PTBP3: variants seen among roughly 807,000 people sequenced by gnomAD.
The protein encoded by PTBP3 is polypyrimidine tract binding protein 3, also known as polypyrimidine tract-binding protein 3.
In PTBP3, 20 loss-of-function variants were observed where a neutral mutation model predicts 58.7. That is an observed-to-expected ratio of 0.34 (90% CI 0.24 to 0.50). The LOEUF is 0.50. Ranked by LOEUF, PTBP3 falls within the 20% of genes least tolerant of loss-of-function variation. PTBP3 has a pLI of 0.98. For synonymous variants in PTBP3, 185 were observed against 219.8 expected, an observed-to-expected ratio of 0.84 and a Z score of 1.40; for missense variants, 509 against 637.2, an observed-to-expected ratio of 0.80 and a Z score of 2.17.
chr9:112,228,177 T>A (rs1381482942), intron 11 of PTBP3, among the ~76,000 whole-genome samples: 1 of 152,182 alleles, frequency 6.6e-6, no homozygotes, highest in African/African-American at 2.4e-5. Flanking sequence ...TATGTTCACG[T>A]AGACAAATGA....
At chr9:112,265,715 A>G (rs148921192) in intron 4 of PTBP3, among the ~76,000 whole-genome samples, 1 of 152,186 alleles carries the variant, frequency 6.6e-6, no homozygotes, top group Non-Finnish European at 1.5e-5. Context: ...GAGACTGTGC[A>G]TGAGTGTGTG....
intron 1 of PTBP3, among the ~76,000 whole-genome samples, chr9:112,331,122 CACACGA>C (rs1275295639): frequency 3.9e-4 from 59 of 150,860 alleles, no homozygotes; most frequent in African/African-American, 1.4e-3. Context: ...CACACACACA[CACACGA>C]GAGACAGTTG....
chr9:112,363,530 A>ACACT, the PTBP3 span, among the ~76,000 whole-genome samples: 1 of 122,706 alleles, frequency 8.1e-6, no homozygotes, highest in African/African-American at 3.5e-5. Flanking sequence ...ACACACACAC[A>ACACT]CACACACACA....
Position 112,332,878 on chromosome 9 carries a change from C to A in PTBP3, c.-52+592G>T, listed in dbSNP as rs184356270. On this transcript the variant is annotated intron_variant, in intron 1 of 13. Coordinates refer to ENST00000374257, the MANE Select transcript of PTBP3 (RefSeq NM_001163788.4). ...GTCCAGACCCCTGGTGTCGAGAAAG[C>A]GTTAACGTATCTCACAGCACAAGTC... 1.2e-5 allele frequency: 19 copies of A among 1,607,548 alleles called. 1 individual carries two copies. The African/African-American group carries it at 1.2e-4, about 10-fold the overall frequency.
chr9:112,369,065 C>T, the PTBP3 span, among the ~76,000 whole-genome samples: 18 of 152,206 alleles, frequency 1.2e-4, no homozygotes, highest in African/African-American at 4.3e-4. Flanking sequence ...GAACCTCCAC[C>T]TAGATTTCAC....
At chr9:112,253,666 C>A (rs1655009964) in intron 5 of PTBP3, among the ~76,000 whole-genome samples, 1 of 152,146 alleles carries the variant, frequency 6.6e-6, no homozygotes, top group Non-Finnish European at 1.5e-5. Context: ...TGGGAGGTGA[C>A]TGGATCATAG....
chr9:112,286,787 C>T (rs1461863241), intron 2 of PTBP3, among the ~76,000 whole-genome samples: 1 of 152,172 alleles, frequency 6.6e-6, no homozygotes. Flanking sequence ...AAAGTATTTC[C>T]TTTACCATTT....
intron 2 of PTBP3, among the ~76,000 whole-genome samples, chr9:112,280,810 T>C (rs1024639284): frequency 5.3e-5 from 8 of 150,944 alleles, no homozygotes; most frequent in African/African-American, 2.0e-4. Context: ...TAGTGATTTT[T>C]TTTTAGTTTA....
At chr9:112,269,236 C>A (rs1046501210) in intron 3 of PTBP3, among the ~76,000 whole-genome samples, 3 of 139,504 alleles carry the variant, frequency 2.2e-5, no homozygotes, top group Admixed American at 7.2e-5. Context: ...TAAAAGGCTA[C>A]AATACATAAA....
the PTBP3 span, among the ~76,000 whole-genome samples, chr9:112,348,953 A>G: frequency 2.6e-5 from 4 of 152,132 alleles, no homozygotes; most frequent in Non-Finnish European, 4.4e-5. Context: ...AATTCATTCA[A>G]TCATTTAAAA....
At chr9:112,376,168 T>C in the PTBP3 span, among the ~76,000 whole-genome samples, 5 of 144,758 alleles carry the variant, frequency 3.5e-5, 2 homozygotes, top group African/African-American at 1.3e-4. Context: ...TATATATATA[T>C]ATATATATAT....
At chr9:112,310,107 C>A (rs1036839650) in intron 1 of PTBP3, among the ~76,000 whole-genome samples, 1 of 152,182 alleles carries the variant, frequency 6.6e-6, no homozygotes, top group Admixed American at 6.5e-5. Flanking sequence ...AGAATAGTTA[C>A]CAAATTGTTC....
intron 10 of PTBP3, 89 bp downstream of exon 10, chr9:112,231,291 A>T (rs1298421231): frequency 4.7e-6 from 5 of 1,058,350 alleles, no homozygotes; most frequent in Non-Finnish European, 6.7e-6. Flanking sequence ...TACTTGGCAC[A>T]CAGAAGTAAT....
chr9:112,292,318 G>A (rs1051417687), intron 2 of PTBP3, among the ~76,000 whole-genome samples: 3 of 152,144 alleles, frequency 2.0e-5, no homozygotes, highest in African/African-American at 4.8e-5. Flanking sequence ...TGAAACCCCT[G>A]TGTACCACTG....
chr9:112,243,189 T>A (rs1390637658), intron 7 of PTBP3, among the ~76,000 whole-genome samples: 1 of 151,346 alleles, frequency 6.6e-6, no homozygotes, highest in Non-Finnish European at 1.5e-5. Context: ...CTTTTCCCAT[T>A]TCTATATTAA....
chr9:112,369,932 T>A, the PTBP3 span, among the ~76,000 whole-genome samples: 4 of 152,184 alleles, frequency 2.6e-5, no homozygotes, highest in African/African-American at 9.7e-5. Context: ...ATAAATCTCA[T>A]GAGATCTGAT....
chr9:112,236,435 G>A (rs1835441116), intron 7 of PTBP3, among the ~76,000 whole-genome samples: 1 of 152,046 alleles, frequency 6.6e-6, no homozygotes, highest in South Asian at 2.1e-4. Flanking sequence ...AAGATCATAG[G>A]TAAAATGATT....
At chr9:112,323,894 T>C (rs774571503) in intron 1 of PTBP3, among the ~76,000 whole-genome samples, 6 of 152,128 alleles carry the variant, frequency 3.9e-5, no homozygotes, top group African/African-American at 7.2e-5. Flanking sequence ...TAATTAGTGA[T>C]AGCCAAACCA....
chr9:112,278,609 G>A (rs891726362), intron 2 of PTBP3, among the ~76,000 whole-genome samples: 1 of 152,126 alleles, frequency 6.6e-6, no homozygotes, highest in Non-Finnish European at 1.5e-5. Flanking sequence ...ATCAAATAAA[G>A]ACCTAAGATG....
Sources: allele counts gnomAD v4.1 joint callset (sites outside exome capture counted in the v4.1 genomes callset), GRCh38; gene constraint gnomAD v4.1.1; transcripts MANE v1.5; gene names NCBI Gene and HGNC (gene_info 2026-07-23, HGNC 2026-07-21).